Variants in LCA5 observed in about 807,000 individuals in gnomAD.
LCA5 encodes lebercilin.
LCA5 carries 37 observed loss-of-function variants against 53.0 expected under a neutral mutation model. The observed-to-expected ratio is 0.70, with a 90% confidence interval of 0.54 to 0.92. The LOEUF (loss-of-function observed/expected upper bound fraction) is 0.92, where lower values mean the gene tolerates loss of function less well. Among genes scored for constraint, LCA5 ranks in the 40% least tolerant of loss-of-function variants. The pLI is 0.00. For synonymous variants in LCA5, 303 were observed against 282.9 expected (o/e 1.07, Z -0.71); for missense variants, 806 against 790.5 (o/e 1.02, Z -0.23).
intron 2 of LCA5, among the ~76,000 whole-genome samples, chr6:79,518,371 A>C (rs1233576343): frequency 6.6e-6 from 1 of 152,148 alleles, no homozygotes; most frequent in East Asian, 1.9e-4. Flanking sequence ...TGAAGATACA[A>C]AAAGGTACAT....
chr6:79,489,514 T>C (rs192931522), intron 6 of LCA5, among the ~76,000 whole-genome samples: 1 of 152,228 alleles, frequency 6.6e-6, no homozygotes, highest in Admixed American at 6.5e-5. Context: ...GAAGTATCCT[T>C]GCTTTGTGCA....
chr6:79,493,820 T>C (rs1769908485), intron 3 of LCA5, 70 bp from the exon 4 acceptor site: 1 of 1,205,778 alleles, frequency 8.3e-7, no homozygotes, highest in African/African-American at 1.5e-5. Flanking sequence ...CACATGGCAG[T>C]GTCAAAATGA....
chr6:79,488,830 T>C (rs554201876), intron 7 of LCA5: 3 of 525,216 alleles, frequency 5.7e-6, no homozygotes, highest in African/African-American at 3.8e-5. Flanking sequence ...TCATCAGAAT[T>C]TTCTGAATGC....
chr6:79,495,432 G>T (rs919317666), intron 3 of LCA5, among the ~76,000 whole-genome samples: 3 of 152,040 alleles, frequency 2.0e-5, no homozygotes, highest in African/African-American at 4.8e-5. Context: ...CTCAAGTCCT[G>T]CAGTCAGTCC....
In LCA5 at chr6:79,491,719, T is replaced by G. The variant is rs760882781; in HGVS notation, c.967A>C (p.Ser323Arg). The change falls in exon 6 of 8, where the codon AGT becomes CGT. Residue 323 changes from serine to arginine, a missense_variant. By Grantham distance (110) the Ser-to-Arg change is moderately radical (BLOSUM62 -1). Transcript: ENST00000369846. Reference sequence around the variant, plus strand: ...TTTGTACACAGGTCTGCAAAATCACTCTGGCATGCAGCTACAGTGAAAATT... The same window carrying G: ...TTTGTACACAGGTCTGCAAAATCACGCTGGCATGCAGCTACAGTGAAAATT... The part of the protein sequence containing the change: ...LALRKNAACQ[S>R]DFADLCTKGV... The G allele has an allele frequency of 6.2e-7, 1 of 1,612,810 alleles. No homozygotes were observed. Among genetic ancestry groups the G allele is most frequent in the South Asian group, 1.1e-5 (1 of 91,060 alleles).
chr6:79,500,957 G>T (rs1397150032), intron 3 of LCA5, among the ~76,000 whole-genome samples: 1 of 152,004 alleles, frequency 6.6e-6, no homozygotes, highest in Non-Finnish European at 1.5e-5. Flanking sequence ...CTTGCTATTA[G>T]ATGTGATCTG....
chr6:79,509,768 AG>A (rs1314157720), intron 3 of LCA5, among the ~76,000 whole-genome samples: 3 of 152,194 alleles, frequency 2.0e-5, no homozygotes, highest in Admixed American at 2.0e-4. Context: ...ATTGCTCCAA[AG>A]GAAATAAAAT....
At chr6:79,512,462 C>A (rs961477277) in intron 3 of LCA5, among the ~76,000 whole-genome samples, 51 of 152,256 alleles carry the variant, frequency 3.3e-4, no homozygotes, top group African/African-American at 1.1e-3. Flanking sequence ...TTAAAAACAT[C>A]TGATTAATAT....
At chr6:79,501,032 T>C (rs758879368) in intron 3 of LCA5, among the ~76,000 whole-genome samples, 3 of 152,182 alleles carry the variant, frequency 2.0e-5, no homozygotes, top group Admixed American at 1.3e-4. Flanking sequence ...GGTTAACTTC[T>C]TCCCTTCTGA....
intron 1 of LCA5, among the ~76,000 whole-genome samples, chr6:79,530,449 AC>A (rs1324015961): frequency 6.6e-6 from 1 of 151,978 alleles, no homozygotes; most frequent in Admixed American, 6.6e-5. Flanking sequence ...TGTACAACAA[AC>A]CCCCATGAAA....
In LCA5 at chr6:79,499,476, A is replaced by G. The variant is rs958317208; in HGVS notation, c.721-5726T>C. ...CTTAATGTCAGCTTATTTTAGCAAA[A>G]TAAGATCTAAAGCAAAAATAGAAAA... is the stretch of plus-strand genomic sequence containing the variant. On this transcript the variant is annotated intron_variant, in intron 3 of 7. Coordinates refer to ENST00000369846, the MANE Select transcript of LCA5 (RefSeq NM_001122769.3). 3.3e-5 allele frequency among the ~76,000 whole-genome samples: 5 copies of G among 152,166 alleles called. No homozygotes were observed. In the East Asian group the frequency reaches 9.7e-4, roughly 29 times the overall value.
chr6:79,496,391 T>C (rs1057318776), intron 3 of LCA5, among the ~76,000 whole-genome samples: 5 of 152,184 alleles, frequency 3.3e-5, no homozygotes, highest in African/African-American at 9.7e-5. Context: ...AGCAGCTTTA[T>C]TTGCAATAGC....
Position 79,518,794 on chromosome 6 carries a change from C to T in LCA5, c.101G>A (p.Gly34Asp). 1.2e-6 allele frequency: 2 copies of T among 1,614,088 alleles called. No individual in the cohort carries two copies. The highest frequency in any genetic ancestry group is 1.7e-6 in the Non-Finnish European group (2 of 1,180,008). The change falls in exon 2 of 8, where the codon GGC becomes GAC. Residue 34 changes from glycine to aspartate, a missense_variant. Coordinates refer to ENST00000369846, the MANE Select transcript of LCA5 (RefSeq NM_001122769.3). ...TGAAGAACTGACCAGCGATGATCGG[C>T]CAGAAGACTGTGGCGTTTCAAAATC... ...LSDFETPQSS[G>D]RSSLVSSSPA...
chr6:79,496,311 C>T (rs534498672), intron 3 of LCA5, among the ~76,000 whole-genome samples: 1 of 152,194 alleles, frequency 6.6e-6, no homozygotes, highest in East Asian at 1.9e-4. Flanking sequence ...ACATTCATTC[C>T]ACACTTAGGT....
intron 1 of LCA5, among the ~76,000 whole-genome samples, chr6:79,526,436 T>C (rs1766791789): frequency 6.6e-6 from 1 of 151,870 alleles, no homozygotes; most frequent in South Asian, 2.1e-4. Flanking sequence ...CCCAGCTACT[T>C]GGGAGGCTGA....
intron 5 of LCA5, 143 bp from the exon 6 acceptor site, chr6:79,491,873 A>C (rs1769855044): frequency 2.9e-6 from 2 of 692,180 alleles, no homozygotes; most frequent in Non-Finnish European, 5.0e-6. Flanking sequence ...TAAATGGAGA[A>C]TATATATATT....
rs1056850727 is a variant in LCA5, at chr6:79,537,379, T to G, written c.-406A>C. The stretch of plus-strand genomic sequence containing the variant: ...AGAGGCGAGGATCGGGGCTCCTGGG[T>G]GGCAGCGGCGGTAACCTGGGCTCCA... On this transcript the variant is annotated 5_prime_UTR_variant, in exon 1 of 8. Coordinates refer to ENST00000369846, the MANE Select transcript of LCA5 (RefSeq NM_001122769.3). 6.6e-6 allele frequency: 1 copy of G among 152,660 alleles called. No individual in the cohort carries two copies. The highest frequency in any genetic ancestry group is 1.5e-5 in the Non-Finnish European group (1 of 68,452). 9.5% of individuals were successfully genotyped at this position (152,660 alleles called of 1,614,324 possible). A position where few individuals can be genotyped will look rare whatever the true frequency, so the allele number is the denominator to read the frequency against.
At chr6:79,533,067 T>C (rs1247358700) in intron 1 of LCA5, among the ~76,000 whole-genome samples, 1 of 152,168 alleles carries the variant, frequency 6.6e-6, no homozygotes, top group Non-Finnish European at 1.5e-5. Flanking sequence ...TCAGAGTCAC[T>C]GCCATTGCAA....
intron 3 of LCA5, among the ~76,000 whole-genome samples, chr6:79,505,925 G>A (rs755000345): frequency 2.0e-5 from 3 of 152,118 alleles, no homozygotes; most frequent in Non-Finnish European, 2.9e-5. Context: ...GATAAACTAG[G>A]AAGAGTAAAG....
Sources: gnomAD v4.1 joint callset for allele counts (sites outside exome capture counted in the v4.1 genomes callset) on GRCh38, gnomAD v4.1.1 for gene constraint, MANE v1.5 for transcripts, NCBI Gene and HGNC (gene_info 2026-07-23, HGNC 2026-07-21) for gene names.